Variants in COL11A1 observed in about 807,000 individuals in gnomAD.
COL11A1 encodes the protein collagen alpha-1(XI) chain.
COL11A1 carries 74 observed loss-of-function variants against 265.2 expected under a neutral mutation model. That is an observed-to-expected ratio of 0.28 (90% CI 0.23 to 0.34). COL11A1 has a LOEUF of 0.34. Ranked by LOEUF, COL11A1 falls within the 10% of genes least tolerant of loss-of-function variation. The pLI, the probability that COL11A1 is intolerant of heterozygous loss-of-function variation, is 1.00. For synonymous variants in COL11A1, 816 were observed against 727.6 expected (o/e 1.12, Z -1.96); for missense variants, 2,165 against 2,263.6 (o/e 0.96, Z 0.88).
In COL11A1 at chr1:103,022,809, G is replaced by A. The variant is rs1217569493; in HGVS notation, c.1178C>T (p.Pro393Leu). The A allele has an allele frequency of 1.9e-6, 3 of 1,613,588 alleles. No individual in the cohort carries two copies. Among genetic ancestry groups the A allele is most frequent in the Non-Finnish European group, 2.5e-6 (3 of 1,179,864 alleles). Residue 393 changes from proline to leucine, a missense_variant, in exon 8 of 67, where the codon CCA becomes CTA. Transcript: ENST00000370096. ...AAATTCTTCATTAGGGGGGCTTGTT[G>A]GTTTATCTTCATATTCTTTATATTC... is the stretch of plus-strand genomic sequence containing the variant. ...FYEYKEYEDK[P>L]TSPPNEEFGP...
intron 41 of COL11A1, among the ~76,000 whole-genome samples, chr1:102,959,047 C>A (rs529648400): frequency 6.6e-6 from 1 of 152,196 alleles, no homozygotes; most frequent in Non-Finnish European, 1.5e-5. Context: ...TTGGATTCCA[C>A]GTTGCCCAAG....
chr1:103,003,381 T>C (rs1342406730), intron 20 of COL11A1, 113 bp from the exon 21 acceptor site: 2 of 1,145,108 alleles, frequency 1.7e-6, no homozygotes, highest in Non-Finnish European at 1.3e-6. Flanking sequence ...TATTTGGACA[T>C]CTTTTATTAA....
At chr1:102,958,120 A>T (rs1041092224) in intron 41 of COL11A1, among the ~76,000 whole-genome samples, 1 of 152,110 alleles carries the variant, frequency 6.6e-6, no homozygotes, top group Non-Finnish European at 1.5e-5. Flanking sequence ...TTAACATAAG[A>T]TTGATATAAA....
rs781620387 is a variant in COL11A1, at chr1:103,006,235, A to C, written c.1737+27T>G. ...ACTAATGATCATGGCAGATGCCTTCAAAATGCACAATGAAAATAAGCCATA... is the reference window on the plus strand; with the variant it reads ...ACTAATGATCATGGCAGATGCCTTCCAAATGCACAATGAAAATAAGCCATA... On this transcript the variant is annotated intron_variant, in intron 16 of 66. Coordinates refer to ENST00000370096, the MANE Select transcript of COL11A1 (RefSeq NM_001854.4). 4.5e-6 allele frequency: 7 copies of C among 1,573,004 alleles called. No homozygotes were observed. The African/African-American group carries it at 9.5e-5, about 21-fold the overall frequency.
intron 29 of COL11A1, among the ~76,000 whole-genome samples, chr1:102,989,081 A>T (rs1415921221): frequency 1.3e-5 from 2 of 152,152 alleles, no homozygotes; most frequent in Non-Finnish European, 2.9e-5. Context: ...TACATTCAAA[A>T]ATTGAACACC....
chr1:102,899,027 TC>T, intron 54 of COL11A1, 33 bp from the exon 55 acceptor site: 12 of 1,304,092 alleles, frequency 9.2e-6, no homozygotes, highest in Non-Finnish European at 1.2e-5. Context: ...AAAATATGTA[TC>T]ACATATAAAA....
At chr1:103,034,737 G>C (rs550708654) in intron 4 of COL11A1, among the ~76,000 whole-genome samples, 1 of 150,468 alleles carries the variant, frequency 6.6e-6, no homozygotes, top group Admixed American at 6.7e-5. Context: ...TTTTTACTTT[G>C]TATGGCACTT....
chr1:103,035,083 C>G (rs953335573), intron 4 of COL11A1, among the ~76,000 whole-genome samples: 1 of 152,102 alleles, frequency 6.6e-6, no homozygotes, highest in Non-Finnish European at 1.5e-5. Context: ...TTTCAACACT[C>G]CTACAGTTTA....
At chr1:103,077,282 T>C (rs761188582) in intron 3 of COL11A1, among the ~76,000 whole-genome samples, 34 of 152,134 alleles carry the variant, frequency 2.2e-4, no homozygotes, top group Middle Eastern at 6.8e-3. Flanking sequence ...TACCTGCTAG[T>C]TTTGAATAGG....
At position 102,987,634 on chromosome 1, in the gene COL11A1, T is replaced by A. The variant is rs1311138776; in HGVS notation, c.2501A>T (p.Lys834Met). The change falls in exon 30 of 67, where the codon AAG (lysine) becomes ATG (methionine). Residue 834 changes from lysine (K) to methionine (M), a missense_variant and splice_region_variant. By Grantham distance (95) the Lys-to-Met change is moderately conservative. Coordinates refer to ENST00000370096, the MANE Select transcript of COL11A1 (RefSeq NM_001854.4). ...DPGPSGQAGE[K>M]GKLGVPGLPG... The stretch of plus-strand genomic sequence containing the variant: ...GTGAATTTAAAGTCATTTACCAACC[T>A]TTTCTCCTGCTTGACCTGAAGGACC... 1.6e-5 allele frequency: 25 copies of A among 1,612,052 alleles called. No homozygotes were observed. Among genetic ancestry groups the A allele is most frequent in the Non-Finnish European group, 2.0e-5 (24 of 1,178,368 alleles).
intron 1 of COL11A1, among the ~76,000 whole-genome samples, chr1:103,090,146 TAATAA>T (rs762929427): frequency 1.2e-4 from 18 of 151,310 alleles, no homozygotes; most frequent in African/African-American, 3.6e-4. Flanking sequence ...AATAAATAAA[TAATAA>T]AATAAAATAA....
intron 11 of COL11A1, among the ~76,000 whole-genome samples, chr1:103,016,083 T>C (rs1666543997): frequency 6.6e-6 from 1 of 152,040 alleles, no homozygotes; most frequent in East Asian, 1.9e-4. Context: ...GTTCTTACAG[T>C]TAGATAAAAA....
At chr1:102,930,556 T>C (rs1403888767) in intron 46 of COL11A1, among the ~76,000 whole-genome samples, 2 of 152,184 alleles carry the variant, frequency 1.3e-5, no homozygotes, top group Non-Finnish European at 2.9e-5. Flanking sequence ...AAATTCTCTT[T>C]TTTGGTTGTG....
intron 37 of COL11A1, among the ~76,000 whole-genome samples, chr1:102,969,750 T>A (rs1297082515): frequency 6.6e-6 from 1 of 152,200 alleles, no homozygotes; most frequent in East Asian, 1.9e-4. Flanking sequence ...CCCAACCAGT[T>A]ATAGCCGATG....
At chr1:103,040,232 CT>C (rs1444585113) in intron 4 of COL11A1, among the ~76,000 whole-genome samples, 2 of 151,280 alleles carry the variant, frequency 1.3e-5, no homozygotes, top group African/African-American at 4.8e-5. Context: ...AAACATACCC[CT>C]AATATTTGAA....
chr1:103,015,945 T>C (rs1310446577), intron 11 of COL11A1, among the ~76,000 whole-genome samples: 2 of 152,094 alleles, frequency 1.3e-5, no homozygotes, highest in Non-Finnish European at 2.9e-5. Context: ...GTTCGGTTAT[T>C]AATATATAAT....
intron 4 of COL11A1, among the ~76,000 whole-genome samples, chr1:103,040,477 C>T (rs1295807332): frequency 6.6e-6 from 1 of 151,250 alleles, no homozygotes; most frequent in African/African-American, 2.4e-5. Context: ...TTTAAGGAAA[C>T]TCTTATGTAA....
chr1:103,077,922 A>G (rs935608029), intron 3 of COL11A1, among the ~76,000 whole-genome samples: 2 of 152,148 alleles, frequency 1.3e-5, no homozygotes, highest in Admixed American at 6.6e-5. Context: ...GTTTGTTAAC[A>G]TTACTTTCTT....
chr1:102,883,668 A>G (rs1302588972), intron 63 of COL11A1, among the ~76,000 whole-genome samples: 6 of 152,174 alleles, frequency 3.9e-5, no homozygotes, highest in Non-Finnish European at 7.4e-5. Context: ...ACTTGACTCC[A>G]AATCTCATAA....
Sources: allele counts gnomAD v4.1 joint callset (sites outside exome capture counted in the v4.1 genomes callset), GRCh38; gene constraint gnomAD v4.1.1; transcripts MANE v1.5; gene names NCBI Gene and HGNC (gene_info 2026-07-23, HGNC 2026-07-21).